Variants in VTI1A observed in about 807,000 individuals in gnomAD.
The protein encoded by VTI1A is vesicle transport through interaction with t-SNAREs 1A.
In VTI1A, 22 loss-of-function variants were observed where a neutral mutation model predicts 34.9. The observed-to-expected ratio is 0.63, with a 90% confidence interval of 0.45 to 0.90. The LOEUF (loss-of-function observed/expected upper bound fraction) is 0.90. Ranked by LOEUF, VTI1A falls within the 40% of genes least tolerant of loss-of-function variation. The pLI, the probability that VTI1A is intolerant of heterozygous loss-of-function variation, is 0.00. For synonymous variants in VTI1A, 87 were observed against 97.3 expected (o/e 0.89, Z 0.62); for missense variants, 268 against 275.6 (o/e 0.97, Z 0.20).
At chr10:112,772,557 A>G (rs1324053921) in intron 7 of VTI1A, among the ~76,000 whole-genome samples, 1 of 152,218 alleles carries the variant, frequency 6.6e-6, no homozygotes, top group Non-Finnish European at 1.5e-5. Context: ...ATGAAATCCA[A>G]TTTAGTTTCT....
At chr10:112,756,813 C>G (rs552100154) in intron 7 of VTI1A, among the ~76,000 whole-genome samples, 1 of 151,970 alleles carries the variant, frequency 6.6e-6, no homozygotes, top group Non-Finnish European at 1.5e-5. Context: ...TTTAGGAGGC[C>G]GAGCCGGGAG....
chr10:112,610,313 A>T (rs1026703645), intron 5 of VTI1A, among the ~76,000 whole-genome samples: 10 of 152,038 alleles, frequency 6.6e-5, no homozygotes, highest in Admixed American at 6.6e-4. Flanking sequence ...TTGTTGCCCT[A>T]GGTAAAAGCC....
intron 7 of VTI1A, among the ~76,000 whole-genome samples, chr10:112,691,935 G>A (rs1403862875): frequency 6.6e-6 from 1 of 152,180 alleles, no homozygotes; most frequent in Non-Finnish European, 1.5e-5. Flanking sequence ...CTGTGGAAGT[G>A]CAAGTGACAC....
At chr10:112,578,755 T>C (rs1843805420) in intron 5 of VTI1A, among the ~76,000 whole-genome samples, 1 of 152,240 alleles carries the variant, frequency 6.6e-6, no homozygotes, top group Non-Finnish European at 1.5e-5. Context: ...ATGTGATGGA[T>C]ATAGTTTTTA....
the VTI1A span, among the ~76,000 whole-genome samples, chr10:112,828,271 A>G: frequency 6.6e-6 from 1 of 152,184 alleles, no homozygotes; most frequent in African/African-American, 2.4e-5. Context: ...TACCTAAAGA[A>G]TGCCTTAATT....
chr10:112,698,751 T>G (rs1247850423), intron 7 of VTI1A, among the ~76,000 whole-genome samples: 1 of 152,230 alleles, frequency 6.6e-6, no homozygotes, highest in Non-Finnish European at 1.5e-5. Flanking sequence ...ACACATGCTT[T>G]GCCACCCTTT....
At chr10:112,802,091 A>AT (rs1852896340) in intron 7 of VTI1A, among the ~76,000 whole-genome samples, 1 of 152,140 alleles carries the variant, frequency 6.6e-6, no homozygotes, top group African/African-American at 2.4e-5. Context: ...TACTAAAAAA[A>AT]ATTTTAAATT....
intron 5 of VTI1A, among the ~76,000 whole-genome samples, chr10:112,630,649 T>C (rs999790045): frequency 2.0e-5 from 3 of 152,190 alleles, no homozygotes; most frequent in African/African-American, 7.2e-5. Context: ...ACATTTCTAT[T>C]CTGCACAAGA....
At chr10:112,697,286 C>T (rs762111054) in intron 7 of VTI1A, among the ~76,000 whole-genome samples, 4 of 151,566 alleles carry the variant, frequency 2.6e-5, no homozygotes, top group Non-Finnish European at 5.9e-5. Context: ...CTCCGCCTCC[C>T]GGGTTCAAGT....
intron 5 of VTI1A, among the ~76,000 whole-genome samples, chr10:112,633,665 T>G (rs1297430568): frequency 6.6e-6 from 1 of 152,182 alleles, no homozygotes; most frequent in Non-Finnish European, 1.5e-5. Context: ...AAGACTAGCA[T>G]TACATAAATG....
At chr10:112,499,314 C>G (rs561920080) in intron 3 of VTI1A, among the ~76,000 whole-genome samples, 1 of 152,246 alleles carries the variant, frequency 6.6e-6, no homozygotes, top group Admixed American at 6.5e-5. Context: ...TTGAAACTAG[C>G]TTCCTTGATT....
intron 3 of VTI1A, among the ~76,000 whole-genome samples, chr10:112,470,162 A>G (rs1589802822): frequency 6.6e-6 from 1 of 152,218 alleles, no homozygotes; most frequent in Non-Finnish European, 1.5e-5. Flanking sequence ...CCACCATGGC[A>G]GGAAGTGAAA....
chr10:112,818,659 T>C lies in VTI1A; in HGVS notation c.*3276T>C, dbSNP rs1021520499. The C allele has an allele frequency of 3.2e-5, 7 of 215,494 alleles. No homozygotes were observed. Among genetic ancestry groups the C allele is most frequent in the Non-Finnish European group, 6.6e-5 (7 of 106,578 alleles). 13.3% of individuals were successfully genotyped at this position (215,494 alleles called of 1,614,324 possible). A position where few individuals can be genotyped will look rare whatever the true frequency, so the allele number is the denominator to read the frequency against. On this transcript the variant is annotated 3_prime_UTR_variant, in exon 8 of 8. Coordinates refer to ENST00000393077, the MANE Select transcript of VTI1A (RefSeq NM_145206.4). ...TGCGCATTGCCAGCAACTTGGCGCCTGTTTAGACGTTTTTATTTTCTTTCA... is the reference window on the plus strand; with the variant it reads ...TGCGCATTGCCAGCAACTTGGCGCCCGTTTAGACGTTTTTATTTTCTTTCA...
At chr10:112,831,441 G>A in the VTI1A span, 2 of 151,998 alleles carry the variant, frequency 1.3e-5, no homozygotes, top group African/African-American at 4.8e-5. Flanking sequence ...GTGGACAGAC[G>A]GCTGCCTTGG....
At chr10:112,697,294 A>G (rs765491472) in intron 7 of VTI1A, among the ~76,000 whole-genome samples, 13 of 151,614 alleles carry the variant, frequency 8.6e-5, no homozygotes, top group South Asian at 8.3e-4. Flanking sequence ...CCCGGGTTCA[A>G]GTGATTGTCT....
intron 4 of VTI1A, among the ~76,000 whole-genome samples, chr10:112,532,514 G>C (rs1460489012): frequency 6.6e-6 from 1 of 151,962 alleles, no homozygotes; most frequent in African/African-American, 2.4e-5. Flanking sequence ...TTGTAGTTTA[G>C]AATAATGTCA....
intron 7 of VTI1A, among the ~76,000 whole-genome samples, chr10:112,763,236 C>A (rs771435690): frequency 8.5e-4 from 129 of 152,080 alleles, no homozygotes; most frequent in Admixed American, 1.6e-3. Context: ...GTCAGGAGAT[C>A]GAGACCATCC....
chr10:112,700,843 T>C (rs1848985091), intron 7 of VTI1A, among the ~76,000 whole-genome samples: 1 of 152,216 alleles, frequency 6.6e-6, no homozygotes. Context: ...GTAAATTAAG[T>C]CCAAGTTTCA....
intron 5 of VTI1A, among the ~76,000 whole-genome samples, chr10:112,606,396 T>G (rs1453675982): frequency 6.6e-6 from 1 of 152,148 alleles, no homozygotes; most frequent in Non-Finnish European, 1.5e-5. Context: ...ACCCGTGGTG[T>G]GCTGCTCCTC....
Sources: gnomAD v4.1 joint callset for allele counts (sites outside exome capture counted in the v4.1 genomes callset) on GRCh38, gnomAD v4.1.1 for gene constraint, MANE v1.5 for transcripts, NCBI Gene and HGNC (gene_info 2026-07-23, HGNC 2026-07-21) for gene names.